DYNC2H1: variants seen among roughly 807,000 people sequenced by gnomAD.
The protein encoded by DYNC2H1 is dynein cytoplasmic 2 heavy chain 1.
DYNC2H1 carries 410 observed loss-of-function variants against 570.0 expected under a neutral mutation model. The observed-to-expected ratio is 0.72, with a 90% CI of 0.66 to 0.78. The LOEUF (loss-of-function observed/expected upper bound fraction) is 0.78, where lower values mean the gene tolerates loss of function less well. Ranked by LOEUF, DYNC2H1 falls within the 30% of genes least tolerant of loss-of-function variation. The pLI is 0.00. For synonymous variants in DYNC2H1, 1,688 were observed against 1,677.6 expected (o/e 1.01, Z -0.15); for missense variants, 4,865 against 5,046.4 (o/e 0.96, Z 1.09).
intron 77 of DYNC2H1, 68 bp from the exon 78 acceptor site, chr11:103,307,652 TA>T (rs1867357469): frequency 1.4e-6 from 1 of 729,214 alleles, no homozygotes; most frequent in African/African-American, 1.8e-5. Context: ...TAGTTACTAA[TA>T]ATGTAATGTA....
chr11:103,422,534 C>T (rs989488533), intron 84 of DYNC2H1, among the ~76,000 whole-genome samples: 14 of 152,140 alleles, frequency 9.2e-5, no homozygotes, highest in South Asian at 4.1e-4. Flanking sequence ...GTTTGTTCAA[C>T]ATATGCGAAT....
In DYNC2H1 at chr11:103,234,086, G is replaced by T; in HGVS notation, c.9493G>T (p.Ala3165Ser). Residue 3165 changes from alanine (A) to serine (S), a missense_variant, in exon 61 of 89, where the codon GCA becomes TCA. Physicochemically the swap from Ala to Ser is moderately conservative, Grantham distance 99. This residue lies in a region of DYNC2H1 where 2,401 missense variants were observed against 2,454.6 expected (regional missense o/e 0.98). Transcript: ENST00000375735. The stretch of plus-strand genomic sequence containing the variant: ...CAAACTTGAGGCTGAAGTAAGCAAG[G>T]CACAAGAAACAATCAAAGCTGCAGA... ...AAKLEAEVSK[A>S]QETIKAAEVL... The T allele has an allele frequency of 1.3e-6, 2 of 1,568,050 alleles. No individual in the cohort carries two copies. The highest frequency in any genetic ancestry group is 8.7e-7 in the Non-Finnish European group (1 of 1,155,220).
intron 47 of DYNC2H1, among the ~76,000 whole-genome samples, chr11:103,195,040 T>TTGAGAATA (rs1189696447): frequency 1.6e-4 from 25 of 152,184 alleles, no homozygotes; most frequent in South Asian, 6.2e-4. Context: ...CTGTTGAGTT[T>TTGAGAATA]TGAGAATATG....
chr11:103,193,086 G>A (rs1053457724), intron 47 of DYNC2H1, among the ~76,000 whole-genome samples: 4 of 152,160 alleles, frequency 2.6e-5, no homozygotes, highest in African/African-American at 9.7e-5. Context: ...CTATCCTAAA[G>A]GGAACTTCGA....
At chr11:103,259,389 C>A (rs1346502429) in intron 69 of DYNC2H1, among the ~76,000 whole-genome samples, 1 of 152,072 alleles carries the variant, frequency 6.6e-6, no homozygotes, top group Non-Finnish European at 1.5e-5. Flanking sequence ...AGATCAAAAA[C>A]TAAAATTTTA....
intron 83 of DYNC2H1, among the ~76,000 whole-genome samples, chr11:103,386,898 CGTT>C (rs1253695052): frequency 6.6e-6 from 1 of 151,138 alleles, no homozygotes; most frequent in African/African-American, 2.4e-5. Flanking sequence ...TCCAGTCTAT[CGTT>C]GTTGGACATT....
Position 103,115,218 on chromosome 11 carries a change from C to G in DYNC2H1, c.544C>G (p.Gln182Glu), listed in dbSNP as rs745983021. ...CGATGAGTTCCAGTTTTGGATAGAA[C>G]AAGCTCACCGTGGAAATAAACAGAT... The part of the protein sequence containing the change: ...PSDEFQFWIE[Q>E]AHRGNKQISK... The change falls in exon 4 of 89, where the codon CAA (glutamine) becomes GAA (glutamate). Residue 182 changes from glutamine to glutamate, a missense_variant. Around this residue, in one of 5 missense-constraint regions of DYNC2H1, gnomAD observed 1,936 missense variants for 1,962.1 expected, o/e 0.99. Transcript: ENST00000375735. 3 of 1,610,694 alleles carry G rather than the reference C, an allele frequency of 1.9e-6. No homozygotes were observed. Among genetic ancestry groups the G allele is most frequent in the Non-Finnish European group, 2.5e-6 (3 of 1,178,510 alleles).
intron 82 of DYNC2H1, among the ~76,000 whole-genome samples, chr11:103,351,712 T>C (rs929410696): frequency 2.6e-5 from 4 of 152,200 alleles, no homozygotes. Flanking sequence ...TGAATCTGTG[T>C]TCAGGAGTAA....
chr11:103,279,771 T>C (rs1866059370), intron 70 of DYNC2H1, among the ~76,000 whole-genome samples: 1 of 152,208 alleles, frequency 6.6e-6, no homozygotes, highest in African/African-American at 2.4e-5. Flanking sequence ...TTATCTAACC[T>C]CAATTAGTTA....
intron 82 of DYNC2H1, among the ~76,000 whole-genome samples, chr11:103,342,080 A>C (rs1346895023): frequency 1.3e-5 from 2 of 152,166 alleles, no homozygotes; most frequent in East Asian, 3.9e-4. Context: ...GGTCAAGGCT[A>C]AAGTGATCCG....
chr11:103,176,378 A>C lies in DYNC2H1; in HGVS notation c.5818A>C (p.Ser1940Arg). The C allele has an allele frequency of 1.3e-6, 2 of 1,593,740 alleles. No individual in the cohort carries two copies. Among genetic ancestry groups the C allele is most frequent in the African/African-American group, 2.7e-5 (2 of 74,270 alleles). Residue 1940 changes from serine (S) to arginine (R), a missense_variant, in exon 37 of 89, where the codon AGT (serine) becomes CGT (arginine). Physicochemically the swap from Ser to Arg is moderately radical, Grantham distance 110 (BLOSUM62 -1). This residue lies in a region of DYNC2H1 where 292 missense variants were observed against 300.2 expected (regional missense o/e 0.97). Coordinates refer to ENST00000375735, the MANE Select transcript of DYNC2H1 (RefSeq NM_001377.3). The part of the protein sequence containing the change: ...ELKEVEYDEL[S>R]AALKQVFEEA... ...GAAAGAAGTGGAATATGATGAACTA[A>C]GTGCTGCATTAAAGCAGGTCTTTGA...
intron 5 of DYNC2H1, among the ~76,000 whole-genome samples, 155 bp from the exon 6 acceptor site, chr11:103,117,476 G>A (rs1183573010): frequency 6.6e-6 from 1 of 151,858 alleles, no homozygotes; most frequent in Non-Finnish European, 1.5e-5. Context: ...ATTTGTTACT[G>A]AGAGTGGTAG....
At chr11:103,468,106 A>G (rs1377805360) in intron 87 of DYNC2H1, among the ~76,000 whole-genome samples, 1 of 152,228 alleles carries the variant, frequency 6.6e-6, no homozygotes, top group Non-Finnish European at 1.5e-5. Context: ...CCTTAAAGAC[A>G]TGAATTCTTT....
intron 20 of DYNC2H1, among the ~76,000 whole-genome samples, chr11:103,150,768 A>G (rs189613366): frequency 6.6e-6 from 1 of 152,294 alleles, no homozygotes; most frequent in Non-Finnish European, 1.5e-5. Context: ...GGAGCAAAGG[A>G]CATAAATGGA....
chr11:103,298,998 A>G lies in DYNC2H1; in HGVS notation c.11096-4095A>G, dbSNP rs1443519388. ...ACGTTACTTTTTAGAAATGGTAGTG[A>G]CCAGATGCAAGTATTCTTACTTCTG... On this transcript the variant is annotated intron_variant, in intron 75 of 88. Coordinates refer to ENST00000375735, the MANE Select transcript of DYNC2H1 (RefSeq NM_001377.3). Among the ~76,000 whole-genome samples the G allele has an allele frequency of 2.0e-5, 3 of 152,108 alleles. No individual in the cohort carries two copies. In the East Asian group the frequency reaches 5.8e-4, roughly 29 times the overall value.
At chr11:103,216,017 C>A in intron 55 of DYNC2H1, 159 bp downstream of exon 55, 2 of 874,496 alleles carry the variant, frequency 2.3e-6, no homozygotes, top group Non-Finnish European at 3.3e-6. Flanking sequence ...TGTGGAAGGG[C>A]ATGGTATTTT....
At chr11:103,286,952 A>C (rs1336778322) in intron 74 of DYNC2H1, among the ~76,000 whole-genome samples, 2 of 152,184 alleles carry the variant, frequency 1.3e-5, no homozygotes, top group Non-Finnish European at 2.9e-5. Flanking sequence ...AACAAAAAGG[A>C]AAATGACTAA....
Position 103,255,513 on chromosome 11 carries a change from G to C in DYNC2H1, c.10305G>C (p.Lys3435Asn), listed in dbSNP as rs938214766. Residue 3435 changes from lysine (K) to asparagine (N), a missense_variant, in exon 67 of 89, where the codon AAG becomes AAC. Around this residue, in one of 5 missense-constraint regions of DYNC2H1, gnomAD observed 2,401 missense variants for 2,454.6 expected, o/e 0.98. Coordinates refer to ENST00000375735, the MANE Select transcript of DYNC2H1 (RefSeq NM_001377.3). Reference sequence around the variant, plus strand: ...AAGATAAGAAAATACAGCTAGCCAAGCTCGAAGAATCTCTTCTAGAGGTAA... The same window carrying C: ...AAGATAAGAAAATACAGCTAGCCAACCTCGAAGAATCTCTTCTAGAGGTAA... The part of the protein sequence containing the change: ...QEEDKKIQLA[K>N]LEESLLETLA... 7.7e-6 allele frequency: 12 copies of C among 1,557,066 alleles called. No homozygotes were observed. The highest frequency in any genetic ancestry group is 1.0e-5 in the Non-Finnish European group (12 of 1,149,740).
intron 83 of DYNC2H1, among the ~76,000 whole-genome samples, chr11:103,374,108 C>T (rs961728413): frequency 2.6e-5 from 4 of 152,048 alleles, no homozygotes; most frequent in African/African-American, 4.8e-5. Context: ...TCTTGTTTAT[C>T]GATTCAGCCA....
Sources: gnomAD v4.1 joint callset for allele counts (sites outside exome capture counted in the v4.1 genomes callset) on GRCh38, gnomAD v4.1.1 for gene constraint, gnomAD v4.1.1 regional missense constraint, MANE v1.5 for transcripts, NCBI Gene and HGNC (gene_info 2026-07-23, HGNC 2026-07-21) for gene names.